The following NLN variants were observed in gnomAD, a reference collection of about 807,000 sequenced individuals.
NLN encodes the protein neurolysin.
In NLN, 64 loss-of-function variants were observed where a neutral mutation model predicts 79.9. The ratio of observed to expected loss-of-function variants is 0.80; its 90% CI spans 0.65 to 0.99. The LOEUF is 0.99. Ranked by LOEUF, NLN falls within the 50% of genes least tolerant of loss-of-function variation. NLN has a pLI of 0.00. For synonymous variants in NLN, 267 were observed against 296.6 expected (o/e 0.90, Z 1.02); for missense variants, 835 against 858.7 (o/e 0.97, Z 0.34).
chr5:65,779,427 C>T lies in NLN; in HGVS notation c.559-752C>T, dbSNP rs73101503. ...GATCTCCCACCTAATACTTTTTATG[C>T]AAATCTTAGAGTCTATAAATCATCT... On this transcript the variant is annotated intron_variant, in intron 4 of 12. Coordinates refer to ENST00000380985, the MANE Select transcript of NLN (RefSeq NM_020726.5). 9.5e-3 allele frequency among the ~76,000 whole-genome samples: 1,449 copies of T among 151,828 alleles called. 29 individuals are homozygous for T. Among genetic ancestry groups the T allele is most frequent in the African/African-American group, 0.034 (1,390 of 41,348 alleles).
chr5:65,778,100 T>C (rs574180200), intron 4 of NLN, among the ~76,000 whole-genome samples: 1 of 152,314 alleles, frequency 6.6e-6, no homozygotes, highest in South Asian at 2.1e-4. Context: ...GATGGGGCAC[T>C]GATTATAAAA....
rs73762404 is a variant in NLN at position 65,826,006 on chromosome 5, A to G, written c.*3091A>G. The G allele has an allele frequency of 0.071, 10,756 of 152,250 alleles. 451 individuals carry two copies. The highest frequency in any genetic ancestry group is 0.12 in the African/African-American group (4,849 of 41,526). The allele number at this position is 152,250 out of a possible 1,614,324, so 9.4% of individuals were successfully genotyped here. The stretch of plus-strand genomic sequence containing the variant: ...CAAAATATCAGACTGGGTGGCTTCA[A>G]AAGCAGACATTTCTTACAGTTCTGG... On this transcript the variant is annotated 3_prime_UTR_variant, in exon 13 of 13. Coordinates refer to ENST00000380985, the MANE Select transcript of NLN (RefSeq NM_020726.5).
At chr5:65,743,428 A>C (rs974567923) in intron 1 of NLN, among the ~76,000 whole-genome samples, 6 of 152,272 alleles carry the variant, frequency 3.9e-5, no homozygotes, top group African/African-American at 1.4e-4. Context: ...TTCAGTTAGA[A>C]GTAACTGTGT....
intron 11 of NLN, among the ~76,000 whole-genome samples, chr5:65,811,683 G>A (rs551499611): frequency 7.2e-5 from 11 of 151,942 alleles, no homozygotes; most frequent in Non-Finnish European, 1.3e-4. Context: ...ATTAGCCGGC[G>A]TGGTGGCATG....
chr5:65,787,705 G>A (rs1759961680), intron 7 of NLN, among the ~76,000 whole-genome samples: 1 of 152,196 alleles, frequency 6.6e-6, no homozygotes, highest in East Asian at 1.9e-4. Context: ...CACATCTGAT[G>A]TGTTTTCCCT....
chr5:65,765,997 G>A (rs1759442569), intron 3 of NLN, among the ~76,000 whole-genome samples: 1 of 152,106 alleles, frequency 6.6e-6, no homozygotes, highest in Non-Finnish European at 1.5e-5. Flanking sequence ...ATCTATTGAT[G>A]CATAACATAT....
rs113804249 is a variant in NLN, at chr5:65,779,929, A to T, written c.559-250A>T. On this transcript the variant is annotated intron_variant, in intron 4 of 12. Transcript: ENST00000380985. ...TAAAAATGAGTTGTTTTTTTCAAACAATTCTCCTGCCTCAGCCTCCTGAGT... is the reference window on the plus strand; with the variant it reads ...TAAAAATGAGTTGTTTTTTTCAAACTATTCTCCTGCCTCAGCCTCCTGAGT... 2.3e-5 allele frequency: 7 copies of T among 300,390 alleles called. 1 individual carries two copies. Among genetic ancestry groups the T allele is most frequent in the African/African-American group, 1.1e-4 (5 of 45,858 alleles). The allele number at this position is 300,390 out of a possible 1,614,324, so 18.6% of individuals were successfully genotyped here.
intron 9 of NLN, among the ~76,000 whole-genome samples, chr5:65,804,885 T>G (rs1331693544): frequency 1.1e-4 from 17 of 152,164 alleles, no homozygotes. Flanking sequence ...GTGATTTCCT[T>G]TTTTATGAAA....
chr5:65,766,369 G>A (rs1356417294), intron 3 of NLN, among the ~76,000 whole-genome samples: 1 of 152,176 alleles, frequency 6.6e-6, no homozygotes, highest in East Asian at 1.9e-4. Flanking sequence ...CTTACATGAT[G>A]TCAGGAGAGA....
intron 1 of NLN, 77 bp downstream of exon 1, chr5:65,722,491 C>T: frequency 1.5e-6 from 2 of 1,327,088 alleles, no homozygotes; most frequent in Admixed American, 2.1e-5. Context: ...GAGCCCGGAC[C>T]CACCCCTTCC....
chr5:65,738,812 A>G (rs1214478843), intron 1 of NLN, among the ~76,000 whole-genome samples: 1 of 149,890 alleles, frequency 6.7e-6, no homozygotes, highest in African/African-American at 2.5e-5. Context: ...GCAGGAGTGC[A>G]GTGATGTGAT....
intron 1 of NLN, among the ~76,000 whole-genome samples, chr5:65,749,826 T>A (rs1006691596): frequency 2.0e-5 from 3 of 152,218 alleles, no homozygotes; most frequent in Non-Finnish European, 4.4e-5. Context: ...AAACCATTTT[T>A]ATATTCTAAT....
chr5:65,772,199 A>G (rs542792976), intron 3 of NLN, among the ~76,000 whole-genome samples: 38 of 152,058 alleles, frequency 2.5e-4, no homozygotes, highest in Non-Finnish European at 4.3e-4. Context: ...TTTTCCAAGT[A>G]CTTACCTATT....
intron 1 of NLN, among the ~76,000 whole-genome samples, chr5:65,751,949 C>T (rs1759111682): frequency 6.6e-6 from 1 of 152,108 alleles, no homozygotes. Flanking sequence ...TTAGAAATTT[C>T]ACAGTGTTGG....
intron 1 of NLN, among the ~76,000 whole-genome samples, chr5:65,723,497 G>A (rs1355533123): frequency 2.6e-5 from 4 of 152,268 alleles, no homozygotes; most frequent in East Asian, 1.9e-4. Context: ...GCAGGGGTGA[G>A]AGGAGGGAAT....
chr5:65,740,497 A>G lies in NLN; in HGVS notation c.42-18070A>G, dbSNP rs187875102. On this transcript the variant is annotated intron_variant, in intron 1 of 12. Transcript: ENST00000380985. ...AGTTTCAAAATGAGTTTCAAAGGGA[A>G]CAAGCATTCAAACCATAACCATTTT... Among the ~76,000 whole-genome samples the G allele has an allele frequency of 6.0e-4, 92 of 152,302 alleles. No homozygotes were observed. In the Middle Eastern group the frequency reaches 0.014, roughly 23 times the overall value.
chr5:65,810,505 T>C (rs768719085), intron 11 of NLN, among the ~76,000 whole-genome samples: 12 of 152,360 alleles, frequency 7.9e-5, no homozygotes, highest in Admixed American at 1.3e-4. Flanking sequence ...CAGGAAGAAA[T>C]TGGCAGAAGG....
chr5:65,809,427 C>T, intron 9 of NLN, 88 bp from the exon 10 acceptor site: 1 of 1,121,158 alleles, frequency 8.9e-7, no homozygotes, highest in Non-Finnish European at 1.3e-6. Flanking sequence ...CTGATTCTGC[C>T]TTAAGTTTTC....
At chr5:65,795,658 G>A (rs1760159472) in intron 9 of NLN, among the ~76,000 whole-genome samples, 1 of 152,176 alleles carries the variant, frequency 6.6e-6, no homozygotes, top group African/African-American at 2.4e-5. Context: ...CTGCACTCCA[G>A]CCAGGGTGAC....
Sources: gnomAD v4.1 joint callset for allele counts (sites outside exome capture counted in the v4.1 genomes callset) on GRCh38, gnomAD v4.1.1 for gene constraint, MANE v1.5 for transcripts, NCBI Gene and HGNC (gene_info 2026-07-23, HGNC 2026-07-21) for gene names.